NUMA1: variants seen among roughly 807,000 people sequenced by gnomAD.
NUMA1 encodes SP-H antigen.
In NUMA1, 62 loss-of-function variants were observed where a neutral mutation model predicts 237.1. The ratio of observed to expected loss-of-function variants is 0.26; its 90% CI spans 0.21 to 0.32. The LOEUF is 0.32. Ranked by LOEUF, NUMA1 falls within the 10% of genes least tolerant of loss-of-function variation. The pLI, the probability that NUMA1 is intolerant of heterozygous loss-of-function variation, is 1.00. For missense variants in NUMA1, 2,533 were observed against 2,666.5 expected (o/e 0.95, Z 1.10); for synonymous variants, 1,028 against 1,066.1 (o/e 0.96, Z 0.70).
Position 72,015,306 on chromosome 11 carries a change from G to C in NUMA1, c.2197C>G (p.Gln733Glu). 2 of 1,613,548 alleles carry C rather than the reference G, an allele frequency of 1.2e-6. No individual in the cohort carries two copies. The highest frequency in any genetic ancestry group is 1.7e-6 in the Non-Finnish European group (2 of 1,180,032). The change falls in exon 15 of 27, where the codon CAG becomes GAG. Residue 733 changes from glutamine (Q) to glutamate (E), a missense_variant. Physicochemically the swap from Gln to Glu is conservative, Grantham distance 29. Transcript: ENST00000393695. This position sits in a 1 kb window ranked among gnomAD's most constrained non-coding sequence, Gnocchi z 4.0. ...RRAADALEEQ[Q>E]RCISELKAET... ...GCCTTCAGCTCAGAGATACAACGCT[G>C]CTGCTCTTCCAGGGCATCTGCAGCC... is the stretch of plus-strand genomic sequence containing the variant.
chr11:72,005,461 C>T (rs1955622332), intron 22 of NUMA1, 92 bp from the exon 23 acceptor site: 2 of 1,271,636 alleles, frequency 1.6e-6, no homozygotes, highest in East Asian at 2.4e-5. Context: ...CTGCCACCTA[C>T]CCCATAAACT....
chr11:72,023,474 T>C (rs1268522902), intron 5 of NUMA1, among the ~76,000 whole-genome samples: 1 of 152,182 alleles, frequency 6.6e-6, no homozygotes, highest in Admixed American at 6.5e-5. Flanking sequence ...GCCAGGTCAC[T>C]TTAGAATCCT....
intron 2 of NUMA1, among the ~76,000 whole-genome samples, 190 bp from the exon 3 acceptor site, chr11:72,036,165 C>T (rs1370604910): frequency 6.6e-6 from 1 of 152,142 alleles, no homozygotes; most frequent in Non-Finnish European, 1.5e-5. Flanking sequence ...ACATCAGAGA[C>T]GACAGGAAAG....
At chr11:72,005,837 A>G (rs971497723) in intron 22 of NUMA1, 198 bp downstream of exon 22, 4 of 591,430 alleles carry the variant, frequency 6.8e-6, no homozygotes, top group African/African-American at 1.9e-5. Context: ...ACTCTGGCTA[A>G]GAGTGCCCCC....
intron 2 of NUMA1, among the ~76,000 whole-genome samples, chr11:72,043,306 TACAAAAAACCAC>T (rs1293640430): frequency 7.1e-6 from 1 of 140,504 alleles, no homozygotes; most frequent in African/African-American, 2.6e-5. Context: ...TACCAAAAAA[TACAAAAAACCAC>T]ACAAAAAAAC....
intron 2 of NUMA1, among the ~76,000 whole-genome samples, chr11:72,068,979 G>T (rs955571607): frequency 1.3e-5 from 2 of 152,106 alleles, no homozygotes; most frequent in African/African-American, 4.8e-5. Flanking sequence ...AATCCACCAA[G>T]CTAAGAGTAA....
chr11:72,038,202 G>C (rs188836376), intron 2 of NUMA1, among the ~76,000 whole-genome samples: 16 of 152,226 alleles, frequency 1.1e-4, no homozygotes, highest in African/African-American at 3.9e-4. Flanking sequence ...TGCCCCCTTT[G>C]AAAGACTCAC....
intron 2 of NUMA1, among the ~76,000 whole-genome samples, chr11:72,064,906 A>AT (rs1943132921): frequency 1.3e-5 from 2 of 152,184 alleles, no homozygotes; most frequent in African/African-American, 4.8e-5. Flanking sequence ...ATATATACAA[A>AT]TATTTATAGA....
rs1168656441 is a variant in NUMA1, at chr11:72,023,091, C to G, written c.265G>C (p.Glu89Gln). The G allele has an allele frequency of 6.2e-6, 10 of 1,613,870 alleles. No individual in the cohort carries two copies. Among genetic ancestry groups the G allele is most frequent in the African/African-American group, 4.0e-5 (3 of 74,904 alleles). The change falls in exon 6 of 27, where the codon GAG (glutamate) becomes CAG (glutamine). Residue 89 changes from glutamate to glutamine, a missense_variant. This residue lies in a region of NUMA1 where 1,414 missense variants were observed against 1,508.1 expected (regional missense o/e 0.94). Coordinates refer to ENST00000393695, the MANE Select transcript of NUMA1 (RefSeq NM_006185.4). ...TTCGCCAGTTCCAGCTCTGATCCCTCTAGCACCTTCTGTGCAGATACCAGG... is the reference window on the plus strand; with the variant it reads ...TTCGCCAGTTCCAGCTCTGATCCCTGTAGCACCTTCTGTGCAGATACCAGG... ...ECLVSAQKVL[E>Q]GSELELAKMT...
intron 2 of NUMA1, among the ~76,000 whole-genome samples, chr11:72,059,810 G>A (rs768913055): frequency 3.0e-4 from 45 of 152,092 alleles, no homozygotes; most frequent in Non-Finnish European, 5.1e-4. Flanking sequence ...AATGTCAACA[G>A]ATATTCCCAA....
intron 17 of NUMA1, 77 bp downstream of exon 17, chr11:72,010,709 C>A: frequency 6.9e-7 from 1 of 1,446,632 alleles, no homozygotes; most frequent in Non-Finnish European, 9.5e-7. Flanking sequence ...GCCCCGACAC[C>A]CCCCACGGCC....
At chr11:72,060,074 A>G (rs1942859407) in intron 2 of NUMA1, among the ~76,000 whole-genome samples, 2 of 152,204 alleles carry the variant, frequency 1.3e-5, no homozygotes, top group South Asian at 4.1e-4. Flanking sequence ...CACAACCAGT[A>G]AGTCCAGACA....
chr11:72,016,488 A>G lies in NUMA1; in HGVS notation c.1162T>C (p.Ser388Pro). 1 of 1,614,096 alleles carries G rather than the reference A, an allele frequency of 6.2e-7. No homozygotes were observed. The highest frequency in any genetic ancestry group is 8.5e-7 in the Non-Finnish European group (1 of 1,180,046). Reference protein sequence around the residue: ...EKNEILQGKLSQLEEHLSQLQ... With the variant: ...EKNEILQGKLPQLEEHLSQLQ... ...TGGGACAAGTGTTCTTCCAGCTGTG[A>G]AAGTTTTCCCTGAAGGATTTCGTTC... The change falls in exon 14 of 27, where the codon TCA (serine) becomes CCA (proline). Residue 388 changes from serine (S) to proline (P), a missense_variant. Transcript: ENST00000393695.
chr11:72,016,639 G>C, intron 13 of NUMA1, 109 bp from the exon 14 acceptor site: 2 of 1,398,974 alleles, frequency 1.4e-6, no homozygotes, highest in South Asian at 2.7e-5. Context: ...TTGTTACCAA[G>C]ATCTCCTTTT....
chr11:72,009,877 T>C (rs1023697647), intron 17 of NUMA1, among the ~76,000 whole-genome samples: 1 of 152,194 alleles, frequency 6.6e-6, no homozygotes, highest in Non-Finnish European at 1.5e-5. Flanking sequence ...TAACAGTGAC[T>C]AAATGGCAGA....
At chr11:72,052,781 A>G (rs1175247077) in intron 2 of NUMA1, among the ~76,000 whole-genome samples, 2 of 152,106 alleles carry the variant, frequency 1.3e-5, no homozygotes, top group African/African-American at 4.8e-5. Context: ...AAAAAAAAAA[A>G]CAAGGGTAAG....
chr11:72,056,095 G>A (rs1273888766), intron 2 of NUMA1, among the ~76,000 whole-genome samples: 1 of 151,758 alleles, frequency 6.6e-6, no homozygotes, highest in Non-Finnish European at 1.5e-5. Flanking sequence ...GCTGCAGTGA[G>A]CTGAGATCAT....
At chr11:72,057,219 C>G (rs146422973) in intron 2 of NUMA1, among the ~76,000 whole-genome samples, 1 of 152,266 alleles carries the variant, frequency 6.6e-6, no homozygotes, top group African/African-American at 2.4e-5. Flanking sequence ...ACACTAAAGC[C>G]TTCATTTAAG....
chr11:72,032,327 T>C (rs1049213222), intron 3 of NUMA1, among the ~76,000 whole-genome samples: 1 of 152,208 alleles, frequency 6.6e-6, no homozygotes, highest in Non-Finnish European at 1.5e-5. Context: ...GGACAGGTCA[T>C]TGTAAGTTTT....
Sources: allele counts gnomAD v4.1 joint callset (sites outside exome capture counted in the v4.1 genomes callset), GRCh38; gene constraint gnomAD v4.1.1; regional missense constraint gnomAD v4.1.1; non-coding constraint Gnocchi (gnomAD v3.1); transcripts MANE v1.5; gene names NCBI Gene and HGNC (gene_info 2026-07-23, HGNC 2026-07-21).